Variants in NF2 observed in about 807,000 individuals in gnomAD.
NF2 encodes NF2, moesin-ezrin-radixin like (MERLIN) tumor suppressor, also known as merlin.
NF2 carries 8 observed loss-of-function variants against 83.7 expected under a neutral mutation model. That is an observed-to-expected ratio of 0.10 (90% confidence interval 0.06 to 0.17). The LOEUF (loss-of-function observed/expected upper bound fraction) is 0.17, where lower values mean the gene tolerates loss of function less well. Among genes scored for constraint, NF2 ranks in the 10% least tolerant of loss-of-function variants. The probability of loss-of-function intolerance (pLI) is 1.00; values close to 1 mark genes in which losing one functional copy is unlikely to be tolerated. For missense variants in NF2, 533 were observed against 744.4 expected, an observed-to-expected ratio of 0.72 and a Z score of 3.31; for synonymous variants, 266 against 269.6, an observed-to-expected ratio of 0.99 and a Z score of 0.13.
chr22:29,638,683 A>G (rs1234068759), intron 2 of NF2, among the ~76,000 whole-genome samples: 1 of 152,080 alleles, frequency 6.6e-6, no homozygotes, highest in Non-Finnish European at 1.5e-5. Context: ...GGACCTAAAT[A>G]TTGGCAGTAG....
At chr22:29,655,217 G>A (rs2066264335) in intron 5 of NF2, among the ~76,000 whole-genome samples, 1 of 152,100 alleles carries the variant, frequency 6.6e-6, no homozygotes, top group East Asian at 1.9e-4. Flanking sequence ...ATAAAGGCCC[G>A]TTTCTCACCT....
At chr22:29,610,453 T>G (rs2064920627) in intron 1 of NF2, among the ~76,000 whole-genome samples, 1 of 151,576 alleles carries the variant, frequency 6.6e-6, no homozygotes, top group Admixed American at 6.6e-5. Context: ...GACCAGCCTG[T>G]CTAATATGGT....
intron 13 of NF2, among the ~76,000 whole-genome samples, chr22:29,675,492 A>G (rs1174567875): frequency 2.8e-5 from 4 of 144,226 alleles, no homozygotes; most frequent in African/African-American, 1.0e-4. Flanking sequence ...TTTTTTTTTC[A>G]TATTTGTTCA....
chr22:29,666,085 C>G (rs2066614383), intron 9 of NF2, among the ~76,000 whole-genome samples: 1 of 151,440 alleles, frequency 6.6e-6, no homozygotes, highest in Admixed American at 6.6e-5. Context: ...TCTGTTCATT[C>G]TCACCTCTGT....
At chr22:29,642,385 G>T (rs769001515) in intron 4 of NF2, 100 bp downstream of exon 4, 2 of 937,920 alleles carry the variant, frequency 2.1e-6, no homozygotes, top group Non-Finnish European at 3.4e-6. Flanking sequence ...ACTTCAGAGA[G>T]ACTTGCCCCA....
rs748272771 is a variant in NF2 at position 29,694,840 on chromosome 22, T to C, written c.*38T>C. 3 of 1,606,094 alleles carry C rather than the reference T, an allele frequency of 1.9e-6. No individual in the cohort carries two copies. The highest frequency in any genetic ancestry group is 2.6e-6 in the Non-Finnish European group (3 of 1,175,072). On this transcript the variant is annotated 3_prime_UTR_variant, in exon 16 of 16. Coordinates refer to ENST00000338641, the MANE Select transcript of NF2 (RefSeq NM_000268.4). The surrounding 1 kb of genome is among the most constrained non-coding windows in gnomAD (Gnocchi z 4.1). ...CCACCCCAGGACCTGCCACTTCTCC[T>C]GCTACCGGGACCGCGGGATGGACCA...
chr22:29,685,127 C>A (rs892347946), intron 15 of NF2, among the ~76,000 whole-genome samples: 4 of 151,668 alleles, frequency 2.6e-5, no homozygotes, highest in African/African-American at 9.7e-5. Flanking sequence ...GTTAGTTTTG[C>A]TTTGTTTTGA....
intron 15 of NF2, among the ~76,000 whole-genome samples, chr22:29,684,809 T>C (rs1301797118): frequency 6.6e-6 from 1 of 152,134 alleles, no homozygotes; most frequent in Non-Finnish European, 1.5e-5. Flanking sequence ...TAAATTTTGC[T>C]GCACATGAAG....
intron 1 of NF2, among the ~76,000 whole-genome samples, chr22:29,616,698 C>T (rs981747590): frequency 6.0e-5 from 9 of 150,510 alleles, no homozygotes; most frequent in African/African-American, 9.8e-5. Context: ...GCTGAGATCA[C>T]GCCGTTGCAC....
Position 29,654,698 on chromosome 22 carries a change from G to T in NF2, c.489G>T (p.Leu163Phe), listed in dbSNP as rs1232015629. 1.2e-6 allele frequency: 2 copies of T among 1,613,932 alleles called. No homozygotes were observed. The highest frequency in any genetic ancestry group is 2.2e-5 in the South Asian group (2 of 91,066). Residue 163 changes from leucine (L) to phenylalanine (F), a missense_variant, in exon 5 of 16, where the codon TTG becomes TTT. Physicochemically the swap from Leu to Phe is conservative, Grantham distance 22. This residue lies in a region of NF2 where 326 missense variants were observed against 475.1 expected (regional missense o/e 0.69). Coordinates refer to ENST00000338641, the MANE Select transcript of NF2 (RefSeq NM_000268.4). ...CCAGTGTTCACAAGCGGGGATTTTT[G>T]GCCCAAGAGGAATTGCTTCCAAAAA... ...YDPSVHKRGF[L>F]AQEELLPKRV...
chr22:29,632,430 C>T (rs901428454), intron 1 of NF2, among the ~76,000 whole-genome samples: 1 of 152,178 alleles, frequency 6.6e-6, no homozygotes, highest in Admixed American at 6.5e-5. Context: ...TTCCCACAGC[C>T]GCTGGGTGTC....
At chr22:29,657,885 T>C (rs2066359411) in intron 6 of NF2, among the ~76,000 whole-genome samples, 1 of 152,240 alleles carries the variant, frequency 6.6e-6, no homozygotes, top group Non-Finnish European at 1.5e-5. Flanking sequence ...CACACTCTTG[T>C]TGAATTACTT....
At chr22:29,609,069 C>G in intron 1 of NF2, 1 of 738,220 alleles carries the variant, frequency 1.4e-6, no homozygotes, top group East Asian at 2.5e-5. Context: ...AAGCCAATGG[C>G]TATAAGAGGA....
chr22:29,655,720 T>TA (rs1287046301), intron 6 of NF2, 44 bp downstream of exon 6: 5 of 1,106,318 alleles, frequency 4.5e-6, no homozygotes, highest in Non-Finnish European at 6.2e-6. Context: ...TATGGGCTTT[T>TA]TTTTTTTTTT....
At chr22:29,672,059 T>A in intron 11 of NF2, 111 bp downstream of exon 11, 1 of 1,479,304 alleles carries the variant, frequency 6.8e-7, no homozygotes. Context: ...TTGAAATACT[T>A]AATTTCAGCT....
chr22:29,662,262 G>A (rs2147019328), intron 8 of NF2, among the ~76,000 whole-genome samples: 1 of 152,208 alleles, frequency 6.6e-6, no homozygotes, highest in East Asian at 1.9e-4. Flanking sequence ...AGCCTCCCAG[G>A]TAACAGACTA....
At chr22:29,688,583 G>A (rs1197358285) in intron 15 of NF2, among the ~76,000 whole-genome samples, 1 of 152,254 alleles carries the variant, frequency 6.6e-6, no homozygotes, top group African/African-American at 2.4e-5. Flanking sequence ...GAACAGAGGA[G>A]CAGCGGAGGG....
Position 29,624,846 on chromosome 22 carries a change from TTTCTTTCTTTC to T in NF2, c.115-11902_115-11892del, listed in dbSNP as rs2065313745. On this transcript the variant is annotated intron_variant, in intron 1 of 15. Transcript: ENST00000338641. ...CTTTCTTTCTTTCTTTCTTTCTTTC[TTTCTTTCTTTC>T]TTTCTTTCTTTCTCTTTCTCTCCTC... Among the ~76,000 whole-genome samples, 3 of 150,138 alleles carry T rather than the reference TTTCTTTCTTTC, an allele frequency of 2.0e-5. No individual in the cohort carries two copies. In the South Asian group the frequency reaches 6.4e-4, roughly 32 times the overall value.
chr22:29,693,521 C>T (rs966368983), intron 15 of NF2, among the ~76,000 whole-genome samples: 3 of 152,164 alleles, frequency 2.0e-5, no homozygotes, highest in Non-Finnish European at 4.4e-5. Context: ...GCCGATAGTA[C>T]CGAGGACTCT....
Sources: allele counts gnomAD v4.1 joint callset (sites outside exome capture counted in the v4.1 genomes callset), GRCh38; gene constraint gnomAD v4.1.1; regional missense constraint gnomAD v4.1.1; non-coding constraint Gnocchi (gnomAD v3.1); transcripts MANE v1.5; gene names NCBI Gene and HGNC (gene_info 2026-07-23, HGNC 2026-07-21).